FXR2: variants seen among roughly 807,000 people sequenced by gnomAD.
The protein encoded by FXR2 is RNA-binding protein FXR2.
In FXR2, 9 loss-of-function variants were observed where a neutral mutation model predicts 87.3. The observed-to-expected ratio is 0.10, with a 90% CI of 0.06 to 0.18. The LOEUF (loss-of-function observed/expected upper bound fraction) is 0.18. Ranked by LOEUF, FXR2 falls within the 10% of genes least tolerant of loss-of-function variation. The pLI is 1.00. For missense variants in FXR2, 661 were observed against 893.6 expected (o/e 0.74, Z 3.32); for synonymous variants, 331 against 328.3 (o/e 1.01, Z -0.09).
Position 7,591,246 on chromosome 17 carries a change from T to C in FXR2, c.*584A>G, listed in dbSNP as rs183985449. ...AGCCAGACAGCCATTTGGATTTTTT[T>C]ATTCTCTTTTTAAATACTGTACAGT... On this transcript the variant is annotated 3_prime_UTR_variant, in exon 17 of 17. Transcript: ENST00000250113. This position sits in a 1 kb window ranked among gnomAD's most constrained non-coding sequence, Gnocchi z 4.0. 1 of 154,960 alleles carries C rather than the reference T, an allele frequency of 6.5e-6. No homozygotes were observed. The highest frequency in any genetic ancestry group is 1.4e-5 in the Non-Finnish European group (1 of 69,342). 9.6% of individuals were successfully genotyped at this position (154,960 alleles called of 1,614,324 possible). A position where few individuals can be genotyped will look rare whatever the true frequency, so the allele number is the denominator to read the frequency against.
chr17:7,611,536 T>C (rs1403035911), intron 1 of FXR2, among the ~76,000 whole-genome samples: 1 of 152,036 alleles, frequency 6.6e-6, no homozygotes, highest in African/African-American at 2.4e-5. Flanking sequence ...GGCATGGTGT[T>C]GCACACCTGT....
chr17:7,609,041 C>T (rs1391350224), intron 1 of FXR2, among the ~76,000 whole-genome samples: 1 of 152,070 alleles, frequency 6.6e-6, no homozygotes, highest in Non-Finnish European at 1.5e-5. Context: ...CCAGGGAGGT[C>T]GAGGCTGTGA....
chr17:7,597,098 C>CA (rs1277099639), intron 7 of FXR2, among the ~76,000 whole-genome samples: 4 of 150,846 alleles, frequency 2.7e-5, no homozygotes, highest in African/African-American at 7.3e-5. Context: ...AACTCTGTCT[C>CA]AAAAAAAAGT....
At chr17:7,610,143 C>G (rs2071851669) in intron 1 of FXR2, among the ~76,000 whole-genome samples, 1 of 151,746 alleles carries the variant, frequency 6.6e-6, no homozygotes, top group Non-Finnish European at 1.5e-5. Flanking sequence ...ATGAGAATCA[C>G]TTGAAGCCAG....
Position 7,592,550 on chromosome 17 carries a change from G to C in FXR2, c.1779C>G (p.Asn593Lys). The C allele has an allele frequency of 6.2e-7, 1 of 1,613,950 alleles. No individual in the cohort carries two copies. Among genetic ancestry groups the C allele is most frequent in the Non-Finnish European group, 8.5e-7 (1 of 1,179,872 alleles). Residue 593 changes from asparagine to lysine, a missense_variant, in exon 15 of 17, where the codon AAC becomes AAG. By Grantham distance (94) the Asn-to-Lys change is moderately conservative. Around this residue, in one of 3 missense-constraint regions of FXR2, gnomAD observed 409 missense variants for 432.0 expected, o/e 0.95. Transcript: ENST00000250113. This position sits in a 1 kb window ranked among gnomAD's most constrained non-coding sequence, Gnocchi z 4.8. ...QRRNRSRRRR[N>K]RGNRTDGSIS... ...TAGAGCCATCAGTCCGATTACCACG[G>C]TTACGGCGGCGGCGGCTGCGATTAC...
At position 7,614,763 on chromosome 17, in the gene FXR2, C is replaced by A. The variant is rs969938381; in HGVS notation, c.-231G>T. On this transcript the variant is annotated 5_prime_UTR_variant, in exon 1 of 17. Coordinates refer to ENST00000250113, the MANE Select transcript of FXR2 (RefSeq NM_004860.4). ...TTGGTCTCCGCCACCGTGAGGGAAA[C>A]GGCCGCCGCCGCCGCTGCCTTCGTC... 4 of 233,764 alleles carry A rather than the reference C, an allele frequency of 1.7e-5. No individual in the cohort carries two copies. Among genetic ancestry groups the A allele is most frequent in the Non-Finnish European group, 3.2e-5 (4 of 123,254 alleles). The allele number at this position is 233,764 out of a possible 1,614,324, so 14.5% of individuals were successfully genotyped here.
At chr17:7,609,344 C>T (rs2071830318) in intron 1 of FXR2, among the ~76,000 whole-genome samples, 1 of 152,142 alleles carries the variant, frequency 6.6e-6, no homozygotes, top group South Asian at 2.1e-4. Flanking sequence ...TTTCACTCTT[C>T]ATACAAGCCA....
chr17:7,605,115 TC>T (rs1399433766), intron 3 of FXR2, among the ~76,000 whole-genome samples: 1 of 146,994 alleles, frequency 6.8e-6, no homozygotes, highest in Non-Finnish European at 1.5e-5. Flanking sequence ...ATGCCTGTAA[TC>T]CCAGCACTTT....
intron 7 of FXR2, among the ~76,000 whole-genome samples, chr17:7,598,524 C>T (rs187556730): frequency 1.2e-4 from 18 of 152,112 alleles, no homozygotes; most frequent in South Asian, 4.2e-4. Flanking sequence ...TCTCAGTATA[C>T]GCACAATAAA....
intron 1 of FXR2, among the ~76,000 whole-genome samples, chr17:7,613,695 A>G (rs1350868805): frequency 1.3e-5 from 2 of 152,228 alleles, no homozygotes; most frequent in Non-Finnish European, 2.9e-5. Context: ...ACATGCCTCA[A>G]GACGAAGAAA....
At chr17:7,610,051 C>CATGTATGTATATATATAT (rs1567754161) in intron 1 of FXR2, among the ~76,000 whole-genome samples, 3 of 104,696 alleles carry the variant, frequency 2.9e-5, no homozygotes, top group African/African-American at 7.2e-5. Context: ...TATATATACA[C>CATGTATGTATATATATAT]ACACACACAC....
At chr17:7,604,741 GAC>G (rs2071789204) in intron 3 of FXR2, among the ~76,000 whole-genome samples, 1 of 138,246 alleles carries the variant, frequency 7.2e-6, no homozygotes, top group Admixed American at 7.2e-5. Flanking sequence ...TTTTTTTTGA[GAC>G]AGAGTTTCGC....
At position 7,605,333 on chromosome 17, in the gene FXR2, A is replaced by G. The variant is rs146675778; in HGVS notation, c.228+312T>C. 8.8e-3 allele frequency among the ~76,000 whole-genome samples: 1,340 copies of G among 152,062 alleles called. 16 individuals are homozygous for G. The highest frequency in any genetic ancestry group is 0.03 in the African/African-American group (1,253 of 41,472). ...CAGTTAGCTGAGATCGCGCCACTGC[A>G]CTCCAGCCTGGGCAACAGAGCAAGA... On this transcript the variant is annotated intron_variant, in intron 3 of 16. Transcript: ENST00000250113.
At chr17:7,611,458 A>C (rs1361759690) in intron 1 of FXR2, among the ~76,000 whole-genome samples, 4 of 152,172 alleles carry the variant, frequency 2.6e-5, no homozygotes, top group African/African-American at 9.6e-5. Context: ...TCTTGAAGTC[A>C]GGAGTCAGAA....
rs193129427 is a variant in FXR2, at chr17:7,592,648, G to A, written c.1729+46C>T. The A allele has an allele frequency of 9.4e-5, 151 of 1,611,946 alleles. No individual in the cohort carries two copies. Among genetic ancestry groups the A allele is most frequent in the Non-Finnish European group, 1.2e-4 (141 of 1,178,216 alleles). Reference sequence around the variant, plus strand: ...GTCACACATCCAACCTCCCACCCTCGATTCCTACCCATCTCTAACTTTCCA... The same window carrying A: ...GTCACACATCCAACCTCCCACCCTCAATTCCTACCCATCTCTAACTTTCCA... On this transcript the variant is annotated intron_variant, in intron 14 of 16. Transcript: ENST00000250113. The surrounding 1 kb of genome is among the most constrained non-coding windows in gnomAD (Gnocchi z 4.8).
chr17:7,592,626 A>T lies in FXR2; in HGVS notation c.1730-27T>A. ...TGTAGGGTAGGAAAAAACCAGAGTC[A>T]CACATCCAACCTCCCACCCTCGATT... On this transcript the variant is annotated intron_variant, in intron 14 of 16. Transcript: ENST00000250113. The surrounding 1 kb of genome is among the most constrained non-coding windows in gnomAD (Gnocchi z 4.8). 1.2e-6 allele frequency: 2 copies of T among 1,612,706 alleles called. No individual in the cohort carries two copies. Among genetic ancestry groups the T allele is most frequent in the Non-Finnish European group, 1.7e-6 (2 of 1,179,042 alleles).
chr17:7,593,144 C>CTCAGTT lies in FXR2; in HGVS notation c.1367_1368insAACTGA (p.Thr455_Glu456dup). On this transcript the variant is annotated inframe_insertion, in exon 13 of 17. Coordinates refer to ENST00000250113, the MANE Select transcript of FXR2 (RefSeq NM_004860.4). The surrounding 1 kb of genome is among the most constrained non-coding windows in gnomAD (Gnocchi z 6.1). ...GGTTGGGCTCCTCTCTCTTCTCTGA[C>CTCAGTT]TCAGTCTCTGAAGCTGTAGACACAT... 1 of 1,552,418 alleles carries CTCAGTT rather than the reference C, an allele frequency of 6.4e-7. No individual in the cohort carries two copies. Among genetic ancestry groups the CTCAGTT allele is most frequent in the South Asian group, 1.2e-5 (1 of 81,240 alleles).
chr17:7,591,687 G>T lies in FXR2; in HGVS notation c.*143C>A. 1.4e-6 allele frequency: 1 copy of T among 692,770 alleles called. No homozygotes were observed. The highest frequency in any genetic ancestry group is 2.1e-5 in the Admixed American group (1 of 48,290). The allele number at this position is 692,770 out of a possible 1,614,324, so 42.9% of individuals were successfully genotyped here. ...TTACACACCCCTCCACTAGCTCCTG[G>T]AGGTTGGGGGGTACCCAAGCTGCTG... is the stretch of plus-strand genomic sequence containing the variant. On this transcript the variant is annotated 3_prime_UTR_variant, in exon 17 of 17. Coordinates refer to ENST00000250113, the MANE Select transcript of FXR2 (RefSeq NM_004860.4). The surrounding 1 kb of genome is among the most constrained non-coding windows in gnomAD (Gnocchi z 4.0).
At chr17:7,601,894 T>TCTA (rs2071759540) in intron 6 of FXR2, among the ~76,000 whole-genome samples, 1 of 151,806 alleles carries the variant, frequency 6.6e-6, no homozygotes, top group African/African-American at 2.4e-5. Flanking sequence ...GCCACTGCAC[T>TCTA]CTAGCCTGGT....
Sources: gnomAD v4.1 joint callset for allele counts (sites outside exome capture counted in the v4.1 genomes callset) on GRCh38, gnomAD v4.1.1 for gene constraint, gnomAD v4.1.1 regional missense constraint, Gnocchi (gnomAD v3.1) non-coding constraint, MANE v1.5 for transcripts, NCBI Gene and HGNC (gene_info 2026-07-23, HGNC 2026-07-21) for gene names.